TMCO4: variants seen among roughly 807,000 people sequenced by gnomAD.
TMCO4 encodes transmembrane and coiled-coil domains 4, also known as transmembrane and coiled-coil domain-containing protein 4.
TMCO4 carries 58 observed loss-of-function variants against 64.7 expected under a neutral mutation model. The ratio of observed to expected loss-of-function variants is 0.90; its 90% CI spans 0.73 to 1.12. TMCO4 has a LOEUF of 1.12. Among genes scored for constraint, TMCO4 ranks in the 50% most tolerant of loss-of-function variants. The pLI, the probability that TMCO4 is intolerant of heterozygous loss-of-function variation, is 0.00. For synonymous variants in TMCO4, 325 were observed against 346.1 expected (o/e 0.94, Z 0.68); for missense variants, 780 against 825.9 (o/e 0.94, Z 0.68).
At chr1:19,754,111 G>C (rs1184063420) in intron 7 of TMCO4, among the ~76,000 whole-genome samples, 2 of 152,136 alleles carry the variant, frequency 1.3e-5, no homozygotes, top group African/African-American at 4.8e-5. Context: ...ATAATGCCCA[G>C]ATTCACATGG....
At chr1:19,691,928 T>C (rs1333569196) in intron 15 of TMCO4, among the ~76,000 whole-genome samples, 1 of 152,226 alleles carries the variant, frequency 6.6e-6, no homozygotes, top group East Asian at 1.9e-4. Context: ...GAGAAACCCC[T>C]TTCACTTGGT....
intron 13 of TMCO4, among the ~76,000 whole-genome samples, chr1:19,720,361 G>A (rs1006166010): frequency 3.9e-5 from 6 of 152,108 alleles, no homozygotes; most frequent in African/African-American, 9.7e-5. Context: ...TTTCTCAGGC[G>A]AGAGGACTGA....
At chr1:19,764,365 TGTG>T (rs1315458249) in intron 6 of TMCO4, among the ~76,000 whole-genome samples, 2 of 152,188 alleles carry the variant, frequency 1.3e-5, no homozygotes, top group East Asian at 3.8e-4. Context: ...CAAGGGTCAT[TGTG>T]GGGTTTCAAC....
intron 4 of TMCO4, among the ~76,000 whole-genome samples, chr1:19,773,724 G>A (rs926344705): frequency 6.6e-6 from 1 of 152,184 alleles, no homozygotes; most frequent in Non-Finnish European, 1.5e-5. Context: ...ACTTCATAAG[G>A]TTGGTTGAGG....
intron 13 of TMCO4, among the ~76,000 whole-genome samples, chr1:19,713,158 A>G (rs1350163293): frequency 6.6e-6 from 1 of 152,186 alleles, no homozygotes; most frequent in East Asian, 1.9e-4. Context: ...CCCAGATTCA[A>G]GGGGTGGGGA....
At chr1:19,788,504 T>G (rs1056530847) in intron 2 of TMCO4, among the ~76,000 whole-genome samples, 1 of 152,184 alleles carries the variant, frequency 6.6e-6, no homozygotes, top group African/African-American at 2.4e-5. Context: ...TTTAATTTTT[T>G]TATATATCTG....
intron 13 of TMCO4, among the ~76,000 whole-genome samples, chr1:19,725,271 T>C (rs918846754): frequency 6.6e-5 from 10 of 152,218 alleles, no homozygotes; most frequent in Admixed American, 5.9e-4. Context: ...TCTTGTCAAC[T>C]GCATGGACAG....
At chr1:19,756,455 T>C (rs1056784321) in intron 6 of TMCO4, among the ~76,000 whole-genome samples, 7 of 152,110 alleles carry the variant, frequency 4.6e-5, no homozygotes, top group Non-Finnish European at 1.0e-4. Flanking sequence ...GCCCCAGGAA[T>C]TCCATTTCTG....
At chr1:19,792,765 ATTTTTT>A (rs71579823) in intron 2 of TMCO4, among the ~76,000 whole-genome samples, 3 of 89,648 alleles carry the variant, frequency 3.3e-5, no homozygotes, top group Non-Finnish European at 4.2e-5. Context: ...GTCAAGGTCA[ATTTTTT>A]TTTTTTTTTT....
chr1:19,777,931 G>A (rs1009778641), intron 4 of TMCO4, among the ~76,000 whole-genome samples: 6 of 152,202 alleles, frequency 3.9e-5, no homozygotes, highest in Admixed American at 6.5e-5. Context: ...CAGCTACTCA[G>A]AAGGCTGGGG....
rs189375142 is a variant in TMCO4, at chr1:19,779,818, C to T, written c.179+762G>A. ...TATTAATATCTTATCCGTTCCTGGA[C>T]GGTGTCCTACTTGATTGGGGGATGG... is the stretch of plus-strand genomic sequence containing the variant. On this transcript the variant is annotated intron_variant, in intron 4 of 15. Coordinates refer to ENST00000294543, the MANE Select transcript of TMCO4 (RefSeq NM_181719.7). Among the ~76,000 whole-genome samples, 455 of 152,310 alleles carry T rather than the reference C, an allele frequency of 3.0e-3. 1 individual carries two copies. The highest frequency in any genetic ancestry group is 9.5e-3 in the African/African-American group (394 of 41,570).
At chr1:19,745,426 G>A (rs2041725393) in intron 10 of TMCO4, 106 bp downstream of exon 10, 2 of 1,525,252 alleles carry the variant, frequency 1.3e-6, no homozygotes, top group Non-Finnish European at 1.8e-6. Context: ...TCTGCGAAAT[G>A]GGGCTCCCTA....
chr1:19,748,688 G>T (rs904405240), intron 7 of TMCO4, among the ~76,000 whole-genome samples: 12 of 152,140 alleles, frequency 7.9e-5, no homozygotes, highest in African/African-American at 2.7e-4. Flanking sequence ...AGCCAGGCGT[G>T]GGGGCAGGCG....
At chr1:19,775,836 C>T (rs141661605) in intron 4 of TMCO4, among the ~76,000 whole-genome samples, 1 of 152,314 alleles carries the variant, frequency 6.6e-6, no homozygotes, top group Non-Finnish European at 1.5e-5. Context: ...TCAAGAACGG[C>T]CACACAGTGT....
chr1:19,682,383 T>G lies in TMCO4; in HGVS notation c.*657A>C. 1 of 521,572 alleles carries G rather than the reference T, an allele frequency of 1.9e-6. No homozygotes were observed. The highest frequency in any genetic ancestry group is 3.5e-6 in the Non-Finnish European group (1 of 289,498). 32.3% of individuals were successfully genotyped at this position (521,572 alleles called of 1,614,324 possible). ...TCAGCATGTATTCACCATGCTCTGT[T>G]AGTGGTGTCCAGATGTTGCATGACG... On this transcript the variant is annotated 3_prime_UTR_variant, in exon 16 of 16. Coordinates refer to ENST00000294543, the MANE Select transcript of TMCO4 (RefSeq NM_181719.7).
At chr1:19,687,596 G>C (rs912673300) in intron 15 of TMCO4, among the ~76,000 whole-genome samples, 4 of 152,186 alleles carry the variant, frequency 2.6e-5, no homozygotes, top group African/African-American at 9.7e-5. Flanking sequence ...AGCCCAAGAT[G>C]GCTGCTCAAG....
In TMCO4 at chr1:19,700,895, G is replaced by A. The variant is rs750890465; in HGVS notation, c.1265-10C>T. The stretch of plus-strand genomic sequence containing the variant: ...ATGATTCCTTGGCAATCTGGCAAAA[G>A]ACCCCAGAAAAGGCCGTCAGTGTCC... On this transcript the variant is annotated splice_polypyrimidine_tract_variant and intron_variant, in intron 13 of 15. Transcript: ENST00000294543. 4.3e-6 allele frequency: 7 copies of A among 1,613,398 alleles called. No individual in the cohort carries two copies. In the East Asian group the frequency reaches 1.6e-4, roughly 36 times the overall value.
At chr1:19,695,487 T>C (rs1002558991) in intron 14 of TMCO4, among the ~76,000 whole-genome samples, 5 of 152,248 alleles carry the variant, frequency 3.3e-5, no homozygotes, top group Non-Finnish European at 7.3e-5. Context: ...CCCATTCTGC[T>C]GTCTTTTATG....
chr1:19,779,531 CAT>C (rs150194823), intron 4 of TMCO4, among the ~76,000 whole-genome samples: 2,377 of 152,320 alleles, frequency 0.016, 67 homozygotes, highest in African/African-American at 0.054. Context: ...TAAACACACA[CAT>C]GGGAGGTACT....
Sources: allele counts gnomAD v4.1 joint callset (sites outside exome capture counted in the v4.1 genomes callset), GRCh38; gene constraint gnomAD v4.1.1; transcripts MANE v1.5; gene names NCBI Gene and HGNC (gene_info 2026-07-23, HGNC 2026-07-21).